Variants in ZFPM2 observed in about 807,000 individuals in gnomAD.
ZFPM2 encodes zinc finger protein ZFPM2.
ZFPM2 carries 20 observed loss-of-function variants against 98.6 expected under a neutral mutation model. The observed-to-expected ratio is 0.20, with a 90% CI of 0.14 to 0.29. The LOEUF (loss-of-function observed/expected upper bound fraction) is 0.29, where lower values mean the gene tolerates loss of function less well. Among genes scored for constraint, ZFPM2 ranks in the 10% least tolerant of loss-of-function variants. ZFPM2 has a pLI of 1.00. For synonymous variants in ZFPM2, 518 were observed against 502.7 expected (o/e 1.03, Z -0.41); for missense variants, 1,310 against 1,388.6 (o/e 0.94, Z 0.90).
At chr8:105,694,232 C>T (rs1199326142) in intron 5 of ZFPM2, among the ~76,000 whole-genome samples, 2 of 151,786 alleles carry the variant, frequency 1.3e-5, no homozygotes, top group Admixed American at 1.3e-4. Context: ...GTGATCTGCC[C>T]CCCGCGGCCT....
intron 1 of ZFPM2, among the ~76,000 whole-genome samples, chr8:105,319,214 C>T (rs926180797): frequency 6.6e-6 from 1 of 152,170 alleles, no homozygotes; most frequent in African/African-American, 2.4e-5. Context: ...CCATGCTTGC[C>T]CCGCTCAGCC....
At chr8:105,559,231 C>T (rs1343196112) in intron 3 of ZFPM2, among the ~76,000 whole-genome samples, 1 of 152,046 alleles carries the variant, frequency 6.6e-6, no homozygotes, top group Non-Finnish European at 1.5e-5. Flanking sequence ...ATTGTCTTTC[C>T]ATAGTTTCTG....
At chr8:105,736,592 C>A (rs747814309) in intron 5 of ZFPM2, among the ~76,000 whole-genome samples, 11 of 151,886 alleles carry the variant, frequency 7.2e-5, no homozygotes, top group African/African-American at 2.7e-4. Context: ...GACAAATCCA[C>A]GAGTCATATT....
chr8:105,682,735 G>A (rs1586195337), intron 5 of ZFPM2, among the ~76,000 whole-genome samples: 1 of 152,192 alleles, frequency 6.6e-6, no homozygotes, highest in African/African-American at 2.4e-5. Context: ...TAATCCAGCT[G>A]TATGCTCTAA....
intron 4 of ZFPM2, among the ~76,000 whole-genome samples, chr8:105,603,263 C>T (rs1816129675): frequency 6.6e-6 from 1 of 152,048 alleles, no homozygotes; most frequent in Non-Finnish European, 1.5e-5. Flanking sequence ...TTCTTGCTTA[C>T]AGCATGGTAT....
chr8:105,791,329 C>A (rs1445562208), intron 6 of ZFPM2, among the ~76,000 whole-genome samples: 2 of 152,194 alleles, frequency 1.3e-5, no homozygotes, highest in African/African-American at 4.8e-5. Flanking sequence ...AAGGCCTTTT[C>A]TGCATCTATT....
chr8:105,403,441 A>G (rs942521574), intron 1 of ZFPM2, among the ~76,000 whole-genome samples: 6 of 152,140 alleles, frequency 3.9e-5, no homozygotes, highest in African/African-American at 1.4e-4. Flanking sequence ...GTAGAAATGT[A>G]GATTTTTATT....
At chr8:105,506,113 C>G (rs1307529495) in intron 3 of ZFPM2, among the ~76,000 whole-genome samples, 2 of 152,086 alleles carry the variant, frequency 1.3e-5, no homozygotes, top group Admixed American at 1.3e-4. Flanking sequence ...AAGCATGTCT[C>G]TTATCTTTTT....
chr8:105,349,489 G>T (rs1812602822), intron 1 of ZFPM2, among the ~76,000 whole-genome samples: 4 of 152,158 alleles, frequency 2.6e-5, no homozygotes, highest in Admixed American at 6.5e-5. Context: ...GATTAATTGA[G>T]CTTAACTGAT....
At chr8:105,474,932 G>T (rs1447416437) in intron 3 of ZFPM2, among the ~76,000 whole-genome samples, 1 of 151,982 alleles carries the variant, frequency 6.6e-6, no homozygotes, top group African/African-American at 2.4e-5. Flanking sequence ...TGAGCCTTAG[G>T]GCTTCTCCAA....
At chr8:105,580,414 A>C (rs1815564036) in intron 4 of ZFPM2, among the ~76,000 whole-genome samples, 1 of 152,158 alleles carries the variant, frequency 6.6e-6, no homozygotes, top group Non-Finnish European at 1.5e-5. Flanking sequence ...TTTTCTAGGA[A>C]AAATACAAGG....
chr8:105,538,447 G>C (rs1241085170), intron 3 of ZFPM2, among the ~76,000 whole-genome samples: 2 of 152,100 alleles, frequency 1.3e-5, no homozygotes, highest in Non-Finnish European at 2.9e-5. Context: ...GAACACTGTT[G>C]AAATGTCGTT....
At chr8:105,731,129 A>G (rs1243487646) in intron 5 of ZFPM2, among the ~76,000 whole-genome samples, 1 of 151,818 alleles carries the variant, frequency 6.6e-6, no homozygotes, top group Non-Finnish European at 1.5e-5. Flanking sequence ...CTTCAGATCC[A>G]CAATTCCTTT....
rs72673775 is a variant in ZFPM2, at chr8:105,642,084, A to G, written c.532+7727A>G. Among the ~76,000 whole-genome samples, 942 of 152,252 alleles carry G rather than the reference A, an allele frequency of 6.2e-3. 2 individuals carry two copies. Among genetic ancestry groups the G allele is most frequent in the Non-Finnish European group, 8.9e-3 (605 of 67,992 alleles). On this transcript the variant is annotated intron_variant, in intron 5 of 7. Transcript: ENST00000407775. Reference sequence around the variant, plus strand: ...TTAGCTTGTCATTCAAAGAGATGCTAATCTTGAAAGCTACCCCCAAAAGTA... The same window carrying G: ...TTAGCTTGTCATTCAAAGAGATGCTGATCTTGAAAGCTACCCCCAAAAGTA...
At chr8:105,453,605 A>G (rs1445040899) in intron 3 of ZFPM2, among the ~76,000 whole-genome samples, 1 of 151,418 alleles carries the variant, frequency 6.6e-6, no homozygotes. Flanking sequence ...AATTCCTTCT[A>G]AATTTTTTTT....
intron 5 of ZFPM2, among the ~76,000 whole-genome samples, chr8:105,722,349 G>T (rs1400424981): frequency 6.6e-6 from 1 of 151,518 alleles, no homozygotes; most frequent in Non-Finnish European, 1.5e-5. Flanking sequence ...TTTATTTTTC[G>T]ATTATTCCAA....
intron 3 of ZFPM2, among the ~76,000 whole-genome samples, chr8:105,494,907 A>C (rs1280381382): frequency 2.6e-5 from 4 of 152,248 alleles, no homozygotes; most frequent in Non-Finnish European, 5.9e-5. Flanking sequence ...AAATGTCCAC[A>C]AAATTTTTAT....
rs759589113 is a variant in ZFPM2, at chr8:105,803,393, T to C, written c.3311T>C (p.Ile1104Thr). Residue 1104 changes from isoleucine to threonine, a missense_variant, in exon 8 of 8, where the codon ATA (isoleucine) becomes ACA (threonine). Coordinates refer to ENST00000407775, the MANE Select transcript of ZFPM2 (RefSeq NM_012082.4). ...IPSAEEQLSSIAKGVNGSSQA... is the reference protein window; with the variant it reads ...IPSAEEQLSSTAKGVNGSSQA... ...TCAGCAGAGGAACAGTTGTCTAGTA[T>C]AGCAAAAGGTGTGAATGGTTCCAGC... The C allele has an allele frequency of 3.1e-6, 5 of 1,613,860 alleles. No homozygotes were observed. Among genetic ancestry groups the C allele is most frequent in the South Asian group, 2.2e-5 (2 of 91,058 alleles).
At chr8:105,757,814 CAT>C (rs574347648) in intron 5 of ZFPM2, among the ~76,000 whole-genome samples, 110 of 152,166 alleles carry the variant, frequency 7.2e-4, no homozygotes, top group Non-Finnish European at 1.5e-3. Context: ...GAAATTATGT[CAT>C]GTGTGCAGAA....
Sources: gnomAD v4.1 joint callset for allele counts (sites outside exome capture counted in the v4.1 genomes callset) on GRCh38, gnomAD v4.1.1 for gene constraint, MANE v1.5 for transcripts, NCBI Gene and HGNC (gene_info 2026-07-23, HGNC 2026-07-21) for gene names.